LAMA2: variants seen among roughly 807,000 people sequenced by gnomAD.
The protein encoded by LAMA2 is laminin subunit alpha 2.
Under a neutral mutation model 364.8 loss-of-function variants are expected in LAMA2, and 269 were observed. The observed-to-expected ratio is 0.74, with a 90% CI of 0.67 to 0.82. The LOEUF (loss-of-function observed/expected upper bound fraction) is 0.82. Ranked by LOEUF, LAMA2 falls within the 40% of genes least tolerant of loss-of-function variation. The pLI is 0.00. For synonymous variants in LAMA2, 1,379 were observed against 1,370.6 expected, an observed-to-expected ratio of 1.01 and a Z score of -0.14; for missense variants, 3,807 against 3,873.2, an observed-to-expected ratio of 0.98 and a Z score of 0.45.
intron 38 of LAMA2, 140 bp downstream of exon 38, chr6:129,401,480 T>C (rs1271018928): frequency 5.8e-6 from 4 of 692,830 alleles, no homozygotes; most frequent in African/African-American, 1.8e-5. Flanking sequence ...ACTGTGACCA[T>C]GCCTATCTAT....
intron 19 of LAMA2, among the ~76,000 whole-genome samples, chr6:129,288,553 C>A (rs1450172680): frequency 6.6e-6 from 1 of 152,150 alleles, no homozygotes; most frequent in Admixed American, 6.5e-5. Flanking sequence ...TTTTCGCACA[C>A]AGGCATTTGT....
intron 12 of LAMA2, among the ~76,000 whole-genome samples, chr6:129,193,266 G>C (rs1186728768): frequency 6.6e-6 from 1 of 152,198 alleles, no homozygotes. Flanking sequence ...ATACTCAGGA[G>C]ATTTACTTTT....
chr6:129,120,266 G>C (rs1776730904), intron 4 of LAMA2, among the ~76,000 whole-genome samples: 1 of 152,100 alleles, frequency 6.6e-6, no homozygotes, highest in Non-Finnish European at 1.5e-5. Flanking sequence ...TTGAGTTTCA[G>C]ATATTTTGGG....
intron 30 of LAMA2, among the ~76,000 whole-genome samples, chr6:129,343,975 G>A (rs1043971784): frequency 3.3e-5 from 5 of 152,106 alleles, no homozygotes; most frequent in African/African-American, 1.2e-4. Context: ...TTGGAACATG[G>A]CGTTCAGACA....
rs758616365 is a variant in LAMA2 at position 129,314,733 on chromosome 6, A to G, written c.3490A>G (p.Ser1164Gly). ...GLDAKNPLGCSSCYCFGTTTQ... is the reference protein window; with the variant it reads ...GLDAKNPLGCGSCYCFGTTTQ... ...CGATGCCAAGAATCCACTTGGCTGC[A>G]GCAGCTGCTATTGCTTCGGCACTAC... is the stretch of plus-strand genomic sequence containing the variant. Residue 1164 changes from serine to glycine, a missense_variant, in exon 24 of 65, where the codon AGC becomes GGC. By Grantham distance (56) the Ser-to-Gly change is moderately conservative. Transcript: ENST00000421865. The G allele has an allele frequency of 1.2e-6, 2 of 1,613,960 alleles. No homozygotes were observed. Among genetic ancestry groups the G allele is most frequent in the Non-Finnish European group, 1.7e-6 (2 of 1,180,004 alleles).
intron 15 of LAMA2, among the ~76,000 whole-genome samples, chr6:129,262,592 G>C (rs892585716): frequency 6.6e-6 from 1 of 152,136 alleles, no homozygotes; most frequent in African/African-American, 2.4e-5. Context: ...ATTGAATCAA[G>C]AGACAATGAA....
chr6:129,389,878 G>A (rs1173024953), intron 35 of LAMA2, among the ~76,000 whole-genome samples: 1 of 152,092 alleles, frequency 6.6e-6, no homozygotes, highest in Non-Finnish European at 1.5e-5. Context: ...TCAACATGTG[G>A]GTATTACAAC....
At chr6:129,275,171 CAAG>C in intron 17 of LAMA2, among the ~76,000 whole-genome samples, 1 of 151,944 alleles carries the variant, frequency 6.6e-6, no homozygotes, top group Non-Finnish European at 1.5e-5. Flanking sequence ...AAATGTATTC[CAAG>C]ACAATAGGTA....
At chr6:129,238,564 TGTGTGTGTGTGTGAGA>T (rs1785165753) in intron 12 of LAMA2, among the ~76,000 whole-genome samples, 1 of 38,538 alleles carries the variant, frequency 2.6e-5, no homozygotes, top group Admixed American at 3.9e-4. Flanking sequence ...CATGTGTGTG[TGTGTGTGTGTGTGAGA>T]GAGAGAGAGA....
At chr6:128,918,785 A>T (rs1298490217) in intron 1 of LAMA2, among the ~76,000 whole-genome samples, 1 of 152,148 alleles carries the variant, frequency 6.6e-6, no homozygotes, top group African/African-American at 2.4e-5. Flanking sequence ...TTTTAGTCCA[A>T]TCCAGTAATT....
intron 4 of LAMA2, among the ~76,000 whole-genome samples, chr6:129,109,018 A>G (rs954809461): frequency 1.3e-5 from 2 of 152,174 alleles, no homozygotes; most frequent in African/African-American, 4.8e-5. Flanking sequence ...TTATAACATT[A>G]CTATTTGAAT....
chr6:128,902,643 C>A lies in LAMA2; in HGVS notation c.112+19286C>A, dbSNP rs948005927. 3.9e-5 allele frequency among the ~76,000 whole-genome samples: 6 copies of A among 152,214 alleles called. No homozygotes were observed. The South Asian group carries it at 1.0e-3, about 26-fold the overall frequency. ...TAAAGTAGAAGAGAAGGTAGGGTAT[C>A]AAAAGTAGGGTGCGCTACGCAAAGT... On this transcript the variant is annotated intron_variant, in intron 1 of 64. Coordinates refer to ENST00000421865, the MANE Select transcript of LAMA2 (RefSeq NM_000426.4).
chr6:129,297,335 A>C (rs187704127), intron 20 of LAMA2, among the ~76,000 whole-genome samples: 1 of 152,188 alleles, frequency 6.6e-6, no homozygotes, highest in Non-Finnish European at 1.5e-5. Context: ...AAAATGAAGA[A>C]GTAAAATTTT....
intron 12 of LAMA2, among the ~76,000 whole-genome samples, chr6:129,238,102 G>A (rs142045571): frequency 6.6e-6 from 1 of 150,690 alleles, no homozygotes; most frequent in African/African-American, 2.4e-5. Flanking sequence ...GAACCTGGGA[G>A]ACAGAGGTTG....
chr6:129,503,609 A>C (rs6923431), intron 60 of LAMA2, among the ~76,000 whole-genome samples: 97,043 of 152,152 alleles, frequency 0.64, 32,103 homozygotes, highest in Middle Eastern at 0.74. Flanking sequence ...TGTGTTCACC[A>C]TCAAGCTCGA....
chr6:128,921,769 C>T (rs1333207520), intron 1 of LAMA2, among the ~76,000 whole-genome samples: 1 of 150,108 alleles, frequency 6.7e-6, no homozygotes, highest in Admixed American at 6.6e-5. Context: ...CGATTAGTTA[C>T]ATATGTATAC....
chr6:129,132,086 T>C (rs1346844350), intron 4 of LAMA2, among the ~76,000 whole-genome samples: 1 of 151,978 alleles, frequency 6.6e-6, no homozygotes, highest in African/African-American at 2.4e-5. Flanking sequence ...GATGAGACTA[T>C]AGGCCATCCC....
chr6:128,898,894 C>A (rs1240167706), intron 1 of LAMA2, among the ~76,000 whole-genome samples: 1 of 152,108 alleles, frequency 6.6e-6, no homozygotes, highest in African/African-American at 2.4e-5. Context: ...CCTTGCTGTT[C>A]CTCTGTCCAG....
intron 58 of LAMA2, among the ~76,000 whole-genome samples, chr6:129,495,819 C>G (rs118122880): frequency 6.6e-6 from 1 of 151,954 alleles, no homozygotes; most frequent in East Asian, 1.9e-4. Flanking sequence ...GAGATTTTTA[C>G]TCATTTAAGG....
Sources: allele counts gnomAD v4.1 joint callset (sites outside exome capture counted in the v4.1 genomes callset), GRCh38; gene constraint gnomAD v4.1.1; transcripts MANE v1.5; gene names NCBI Gene and HGNC (gene_info 2026-07-23, HGNC 2026-07-21).